Variants in MICAL3 observed in about 807,000 individuals in gnomAD.
MICAL3 encodes the protein microtubule associated monooxygenase, calponin and LIM domain containing 3.
Under a neutral mutation model 207.4 loss-of-function variants are expected in MICAL3, and 62 were observed. That is an observed-to-expected ratio of 0.30 (90% CI 0.24 to 0.37). The LOEUF (loss-of-function observed/expected upper bound fraction) is 0.37, where lower values mean the gene tolerates loss of function less well. Ranked by LOEUF, MICAL3 falls within the 10% of genes least tolerant of loss-of-function variation. The pLI, the probability that MICAL3 is intolerant of heterozygous loss-of-function variation, is 1.00. For missense variants in MICAL3, 2,368 were observed against 2,635.6 expected (o/e 0.90, Z 2.22); for synonymous variants, 1,077 against 1,069.3 (o/e 1.01, Z -0.14).
chr22:17,998,034 G>T (rs1922489354), intron 1 of MICAL3, among the ~76,000 whole-genome samples: 2 of 152,324 alleles, frequency 1.3e-5, no homozygotes, highest in Admixed American at 1.3e-4. Flanking sequence ...GGGTGTGGTG[G>T]CTTACGCCTG....
At chr22:17,819,258 T>C in intron 25 of MICAL3, 129 bp from the exon 26 acceptor site, 1 of 981,436 alleles carries the variant, frequency 1.0e-6, no homozygotes, top group Non-Finnish European at 1.4e-6. Context: ...TCCTTCCAGC[T>C]GTTATTAGAA....
rs190024461 is a variant in MICAL3, at chr22:18,003,116, C to T, written c.-75+21165G>A. 1.8e-3 allele frequency among the ~76,000 whole-genome samples: 268 copies of T among 149,644 alleles called. 4 individuals carry two copies. Among genetic ancestry groups the T allele is most frequent in the Admixed American group, 0.013 (188 of 14,946 alleles). On this transcript the variant is annotated intron_variant, in intron 1 of 31. Transcript: ENST00000441493. ...CGGAGCTTTCAGTGAGCCAAGATTG[C>T]ACCACTGCACTCCAGCCTGGGCAAC...
At position 17,904,032 on chromosome 22, in the gene MICAL3, C is replaced by T. The variant is rs117873616; in HGVS notation, c.472+600G>A. 1.3e-3 allele frequency among the ~76,000 whole-genome samples: 196 copies of T among 152,318 alleles called. 2 individuals carry two copies. Among genetic ancestry groups the T allele is most frequent in the East Asian group, 0.012 (64 of 5,190 alleles). On this transcript the variant is annotated intron_variant, in intron 3 of 31. Transcript: ENST00000441493. The stretch of plus-strand genomic sequence containing the variant: ...GTAGGATCTCAGAAAAGCAAAGGCC[C>T]GGGCTGAGCTTAGAGGTGACAAAAG...
intron 1 of MICAL3, among the ~76,000 whole-genome samples, chr22:17,926,869 T>C (rs184469947): frequency 3.4e-4 from 52 of 152,358 alleles, no homozygotes; most frequent in Admixed American, 3.3e-3. Context: ...ACCCTTGCAA[T>C]AGTCTCTTAA....
At chr22:18,001,111 G>C (rs907855223) in intron 1 of MICAL3, 1 of 152,224 alleles carries the variant, frequency 6.6e-6, no homozygotes, top group Non-Finnish European at 1.5e-5. Context: ...CCTCCGGCGG[G>C]AGGTGACCAC....
intron 3 of MICAL3, among the ~76,000 whole-genome samples, chr22:17,903,413 A>G (rs1266563143): frequency 1.3e-5 from 2 of 152,230 alleles, no homozygotes; most frequent in Non-Finnish European, 2.9e-5. Flanking sequence ...AGGTGCAGAG[A>G]TAAAGATCTA....
intron 1 of MICAL3, among the ~76,000 whole-genome samples, chr22:17,941,450 G>A (rs999660233): frequency 6.6e-6 from 1 of 152,194 alleles, no homozygotes; most frequent in Non-Finnish European, 1.5e-5. Context: ...TGGATTATGA[G>A]GACTTGCAGG....
rs551807501 is a variant in MICAL3, at chr22:17,831,330, A to G, written c.3055+524T>C. Among the ~76,000 whole-genome samples, 5 of 152,248 alleles carry G rather than the reference A, an allele frequency of 3.3e-5. No individual in the cohort carries two copies. In the South Asian group the frequency reaches 8.3e-4, roughly 25 times the overall value. ...AATCTCAAGTCCAAGGCAAGAGACT[A>G]TTTCAGAACCAGCCAGAGTGGCTGG... On this transcript the variant is annotated intron_variant, in intron 21 of 31. Transcript: ENST00000441493.
chr22:17,829,553 G>A (rs896569071), intron 21 of MICAL3, among the ~76,000 whole-genome samples: 1 of 152,184 alleles, frequency 6.6e-6, no homozygotes, highest in African/African-American at 2.4e-5. Flanking sequence ...GACTGAGGAA[G>A]GTAAGTCAAA....
At chr22:18,017,283 G>A (rs937099323) in intron 1 of MICAL3, among the ~76,000 whole-genome samples, 4 of 151,218 alleles carry the variant, frequency 2.6e-5, no homozygotes, top group South Asian at 2.1e-4. Flanking sequence ...GCGCAATCTC[G>A]GCTCACTGCA....
At chr22:17,826,601 C>G in intron 22 of MICAL3, 3 of 716,352 alleles carry the variant, frequency 4.2e-6, no homozygotes, top group Non-Finnish European at 5.1e-6. Context: ...CTTAAAATCC[C>G]AAAGAGAAAG....
At chr22:17,930,724 C>CCCCA (rs1438181796) in intron 1 of MICAL3, among the ~76,000 whole-genome samples, 1 of 152,210 alleles carries the variant, frequency 6.6e-6, no homozygotes, top group Non-Finnish European at 1.5e-5. Flanking sequence ...CTCCCAGGGC[C>CCCCA]CCCAGTTAGA....
intron 16 of MICAL3, among the ~76,000 whole-genome samples, chr22:17,873,842 C>T (rs1254550701): frequency 6.6e-6 from 1 of 152,248 alleles, no homozygotes; most frequent in Non-Finnish European, 1.5e-5. Flanking sequence ...GATCAAATCA[C>T]CCTTCCATGT....
chr22:17,818,414 T>C lies in MICAL3; in HGVS notation c.4247A>G (p.Gln1416Arg), dbSNP rs1009033091. ...GCTGGACAGCTCCCTGCGCTCCTCC[T>C]GGGCGCTGCGTAGCTCTCTGTCGGA... ...SPSDRELRSA[Q>R]EERRELSSSS... Residue 1416 changes from glutamine (Q) to arginine (R), a missense_variant, in exon 26 of 32, where the codon CAG (glutamine) becomes CGG (arginine). Coordinates refer to ENST00000441493, the MANE Select transcript of MICAL3 (RefSeq NM_015241.3). The C allele has an allele frequency of 4.3e-6, 7 of 1,612,120 alleles. No homozygotes were observed. Among genetic ancestry groups the C allele is most frequent in the Non-Finnish European group, 4.2e-6 (5 of 1,179,842 alleles).
chr22:17,956,472 T>C (rs2003617), intron 1 of MICAL3, among the ~76,000 whole-genome samples: 32,331 of 151,954 alleles, frequency 0.21, 3,620 homozygotes, highest in Middle Eastern at 0.29. Flanking sequence ...GAGTTCGAGA[T>C]CAGCCTGACA....
chr22:17,888,649 G>A (rs1028834163), intron 13 of MICAL3, among the ~76,000 whole-genome samples: 1 of 152,214 alleles, frequency 6.6e-6, no homozygotes, highest in African/African-American at 2.4e-5. Flanking sequence ...CAGTAGCGCG[G>A]TATGAAGAGA....
chr22:18,021,732 T>C (rs1924489222), intron 1 of MICAL3, among the ~76,000 whole-genome samples: 1 of 152,180 alleles, frequency 6.6e-6, no homozygotes. Flanking sequence ...TGGGAGACTG[T>C]GGCCATTCTA....
chr22:17,817,494 T>C lies in MICAL3; in HGVS notation c.5167A>G (p.Lys1723Glu), dbSNP rs1418621962. Residue 1723 changes from lysine to glutamate, a missense_variant, in exon 26 of 32, where the codon AAG (lysine) becomes GAG (glutamate). Lys to Glu is a moderately conservative substitution (Grantham distance 56). Around this residue, in one of 4 missense-constraint regions of MICAL3, gnomAD observed 1,770 missense variants for 1,863.2 expected, o/e 0.95. Transcript: ENST00000441493. The stretch of plus-strand genomic sequence containing the variant: ...TCTTCTAGGAGGTTGGAGCTGGGCT[T>C]CTCCGGGGGCCGGCCCTCGCCTTTG... ...KSKGEGRPPE[K>E]PSSNLLEEAA... 3 of 1,613,658 alleles carry C rather than the reference T, an allele frequency of 1.9e-6. No individual in the cohort carries two copies. The highest frequency in any genetic ancestry group is 2.5e-6 in the Non-Finnish European group (3 of 1,179,876).
At chr22:17,917,620 C>T (rs146415826) in intron 1 of MICAL3, among the ~76,000 whole-genome samples, 251 of 152,308 alleles carry the variant, frequency 1.6e-3, no homozygotes, top group African/African-American at 5.5e-3. Flanking sequence ...CCATCAGACA[C>T]GTTGACTGCC....
Sources: allele counts gnomAD v4.1 joint callset (sites outside exome capture counted in the v4.1 genomes callset), GRCh38; gene constraint gnomAD v4.1.1; regional missense constraint gnomAD v4.1.1; transcripts MANE v1.5; gene names NCBI Gene and HGNC (gene_info 2026-07-23, HGNC 2026-07-21).